Variants in TUBB6 observed in about 807,000 individuals in gnomAD.
TUBB6 encodes tubulin beta-6 chain.
In TUBB6, 18 loss-of-function variants were observed where a neutral mutation model predicts 32.3. The observed-to-expected ratio is 0.56, with a 90% CI of 0.39 to 0.83. TUBB6 has a LOEUF of 0.83. Ranked by LOEUF, TUBB6 falls within the 40% of genes least tolerant of loss-of-function variation. The pLI, the probability that TUBB6 is intolerant of heterozygous loss-of-function variation, is 0.00. For synonymous variants in TUBB6, 280 were observed against 265.8 expected (o/e 1.05, Z -0.52); for missense variants, 480 against 632.0 (o/e 0.76, Z 2.58).
chr18:12,321,009 C>A (rs763755436), intron 3 of TUBB6, among the ~76,000 whole-genome samples: 1 of 152,168 alleles, frequency 6.6e-6, no homozygotes, highest in Non-Finnish European at 1.5e-5. Context: ...AGTTTCACAG[C>A]AGAAAAATAG....
chr18:12,309,934 G>A (rs1005611086), intron 2 of TUBB6, among the ~76,000 whole-genome samples: 1 of 152,198 alleles, frequency 6.6e-6, no homozygotes, highest in Non-Finnish European at 1.5e-5. Flanking sequence ...ATGCATGGGG[G>A]AGGTGTCACA....
intron 2 of TUBB6, among the ~76,000 whole-genome samples, chr18:12,310,132 G>T (rs1312954033): frequency 6.6e-6 from 1 of 152,136 alleles, no homozygotes; most frequent in African/African-American, 2.4e-5. Context: ...GCCAGGTCAT[G>T]CCTGGACTCG....
intron 3 of TUBB6, among the ~76,000 whole-genome samples, chr18:12,315,241 A>G (rs1906609353): frequency 6.6e-6 from 1 of 152,220 alleles, no homozygotes; most frequent in Non-Finnish European, 1.5e-5. Context: ...TCTTTATGCA[A>G]CTTTATAATG....
Position 12,325,973 on chromosome 18 carries a change from T to A in TUBB6, c.1184T>A (p.Leu395Gln). 6.2e-7 allele frequency: 1 copy of A among 1,614,096 alleles called. No homozygotes were observed. Among genetic ancestry groups the A allele is most frequent in the Non-Finnish European group, 8.5e-7 (1 of 1,180,038 alleles). ...GCCATGTTCCGGCGCAAGGCCTTCC[T>A]GCACTGGTTCACGGGTGAGGGCATG... ...FSAMFRRKAFLHWFTGEGMDE... is the reference protein window; with the variant it reads ...FSAMFRRKAFQHWFTGEGMDE... Residue 395 changes from leucine (L) to glutamine (Q), a missense_variant, in exon 4 of 4, where the codon CTG (leucine) becomes CAG (glutamine). Physicochemically the swap from Leu to Gln is moderately radical, Grantham distance 113. Coordinates refer to ENST00000317702, the MANE Select transcript of TUBB6 (RefSeq NM_032525.3).
At position 12,308,727 on chromosome 18, in the gene TUBB6, C is replaced by T. The variant is rs777938262; in HGVS notation, c.98C>T (p.Ala33Val). 2.8e-5 allele frequency: 45 copies of T among 1,613,110 alleles called. 2 individuals carry two copies. In the South Asian group the frequency reaches 3.0e-4, roughly 11 times the overall value. The change falls in exon 2 of 4, where the codon GCC (alanine) becomes GTC (valine). Residue 33 changes from alanine (A) to valine (V), a missense_variant. Coordinates refer to ENST00000317702, the MANE Select transcript of TUBB6 (RefSeq NM_032525.3). ...AGCGATGAGCACGGCATCGACCCGG[C>T]CGGAGGCTACGTGGGAGACTCGGCG... The part of the protein sequence containing the change: ...VISDEHGIDP[A>V]GGYVGDSALQ...
intron 1 of TUBB6, 99 bp downstream of exon 1, chr18:12,308,448 C>T (rs1484919634): frequency 2.9e-6 from 3 of 1,029,760 alleles, no homozygotes; most frequent in African/African-American, 3.4e-5. Flanking sequence ...CCGCTGTGCG[C>T]CCCTGGGTCC....
chr18:12,312,911 A>T (rs1243637817), intron 3 of TUBB6, among the ~76,000 whole-genome samples: 2 of 149,620 alleles, frequency 1.3e-5, no homozygotes, highest in Non-Finnish European at 2.9e-5. Context: ...AGGCAGGAGA[A>T]TCACTTGAAC....
At chr18:12,315,597 T>A (rs1458676822) in intron 3 of TUBB6, among the ~76,000 whole-genome samples, 1 of 152,198 alleles carries the variant, frequency 6.6e-6, no homozygotes, top group Admixed American at 6.5e-5. Context: ...GGCCCTTCTA[T>A]TCTACACTGA....
At chr18:12,311,467 C>T (rs2144130640) in intron 3 of TUBB6, among the ~76,000 whole-genome samples, 1 of 152,136 alleles carries the variant, frequency 6.6e-6, no homozygotes. Context: ...CATGGTGGCA[C>T]GTGCCTGTAG....
chr18:12,318,173 A>C (rs971087310), intron 3 of TUBB6, among the ~76,000 whole-genome samples: 30 of 151,932 alleles, frequency 2.0e-4, no homozygotes, highest in Non-Finnish European at 2.9e-5. Flanking sequence ...AAAATGTGAC[A>C]GTTCTAGCAC....
chr18:12,320,284 A>G (rs1373554946), intron 3 of TUBB6, among the ~76,000 whole-genome samples: 1 of 150,702 alleles, frequency 6.6e-6, no homozygotes, highest in South Asian at 2.1e-4. Flanking sequence ...TTATCATAAA[A>G]TAAATGTTTT....
intron 3 of TUBB6, among the ~76,000 whole-genome samples, chr18:12,314,967 T>C (rs998162584): frequency 2.0e-5 from 3 of 151,192 alleles, no homozygotes; most frequent in Non-Finnish European, 2.9e-5. Context: ...ACTTTGCTTT[T>C]TTTTTTTAGC....
chr18:12,315,383 G>T (rs1344486011), intron 3 of TUBB6, among the ~76,000 whole-genome samples: 1 of 152,164 alleles, frequency 6.6e-6, no homozygotes, highest in Non-Finnish European at 1.5e-5. Flanking sequence ...AAATTACTGG[G>T]TCAAAGAGTG....
intron 2 of TUBB6, 96 bp downstream of exon 2, chr18:12,308,891 C>A (rs1206864439): frequency 2.5e-6 from 2 of 814,494 alleles, no homozygotes; most frequent in Non-Finnish European, 4.3e-6. Flanking sequence ...GGGAAAAGTT[C>A]TCTCGGGGTG....
chr18:12,318,211 C>T (rs1226408935), intron 3 of TUBB6, among the ~76,000 whole-genome samples: 1 of 151,696 alleles, frequency 6.6e-6, no homozygotes, highest in African/African-American at 2.4e-5. Flanking sequence ...CGAGCTTGTT[C>T]CTCCCAATAC....
chr18:12,310,212 A>G (rs1248824509), intron 2 of TUBB6, among the ~76,000 whole-genome samples: 2 of 151,888 alleles, frequency 1.3e-5, no homozygotes, highest in East Asian at 3.9e-4. Context: ...GGTTTCGGCC[A>G]GGCACGGTGG....
At chr18:12,329,240 G>A (rs550591123), downstream of TUBB6, 185 of 702,300 alleles carry the variant, frequency 2.6e-4, no homozygotes, top group African/African-American at 2.5e-3. Flanking sequence ...CCAGTGCAAC[G>A]ATCCCTGCCA....
At chr18:12,308,179 G>T (rs934749586), upstream of TUBB6, 36 of 676,188 alleles carry the variant, frequency 5.3e-5, no homozygotes, top group African/African-American at 5.9e-5. Flanking sequence ...AGCCATTGGC[G>T]AGCGGCGGGG....
chr18:12,316,357 A>G (rs1730333188), intron 3 of TUBB6, among the ~76,000 whole-genome samples: 1 of 152,244 alleles, frequency 6.6e-6, no homozygotes, highest in African/African-American at 2.4e-5. Context: ...ACAAATTAAG[A>G]CAGACCTATG....
Sources: gnomAD v4.1 joint callset for allele counts (sites outside exome capture counted in the v4.1 genomes callset) on GRCh38, gnomAD v4.1.1 for gene constraint, MANE v1.5 for transcripts, NCBI Gene and HGNC (gene_info 2026-07-23, HGNC 2026-07-21) for gene names.